The following MIPOL1 variants were observed in gnomAD, a reference collection of about 807,000 sequenced individuals.
MIPOL1 encodes mirror-image polydactyly gene 1 protein.
MIPOL1 carries 57 observed loss-of-function variants against 60.9 expected under a neutral mutation model. The observed-to-expected ratio is 0.94, with a 90% CI of 0.76 to 1.17. The LOEUF is 1.17. MIPOL1 is among the 50% of genes most tolerant of loss of function. MIPOL1 has a pLI of 0.00. For missense variants in MIPOL1, 551 were observed against 511.6 expected, an observed-to-expected ratio of 1.08 and a Z score of -0.74; for synonymous variants, 179 against 168.8, an observed-to-expected ratio of 1.06 and a Z score of -0.47.
At chr14:37,381,025 G>C (rs913749462) in intron 10 of MIPOL1, among the ~76,000 whole-genome samples, 2 of 152,048 alleles carry the variant, frequency 1.3e-5, no homozygotes, top group African/African-American at 2.4e-5. Context: ...ACTTTGTTCA[G>C]CTAATACCTA....
chr14:37,451,605 A>G (rs2094417451), intron 11 of MIPOL1, among the ~76,000 whole-genome samples: 1 of 151,114 alleles, frequency 6.6e-6, no homozygotes, highest in African/African-American at 2.5e-5. Flanking sequence ...TCTCATCATA[A>G]TCATAGGATT....
At chr14:37,399,269 T>C (rs1034047521) in intron 10 of MIPOL1, among the ~76,000 whole-genome samples, 1 of 152,176 alleles carries the variant, frequency 6.6e-6, no homozygotes, top group Non-Finnish European at 1.5e-5. Flanking sequence ...TTGGTGCCAT[T>C]TTGGGAGGAA....
intron 1 of MIPOL1, among the ~76,000 whole-genome samples, chr14:37,212,680 T>A (rs1166484165): frequency 6.6e-6 from 1 of 152,158 alleles, no homozygotes; most frequent in African/African-American, 2.4e-5. Flanking sequence ...CTGGCTTGCT[T>A]TGCCTCCTGC....
At chr14:37,421,897 G>A (rs938409156) in intron 10 of MIPOL1, among the ~76,000 whole-genome samples, 1 of 151,752 alleles carries the variant, frequency 6.6e-6, no homozygotes, top group African/African-American at 2.4e-5. Context: ...TGAACCTGTG[G>A]CTCCAAACTT....
chr14:37,231,799 G>A (rs79462146), intron 1 of MIPOL1, among the ~76,000 whole-genome samples: 2,451 of 152,220 alleles, frequency 0.016, 55 homozygotes, highest in African/African-American at 0.054. Flanking sequence ...AGCCCTACAG[G>A]CCGGGAGTAG....
intron 11 of MIPOL1, among the ~76,000 whole-genome samples, chr14:37,479,956 TA>T (rs1426775799): frequency 6.6e-6 from 1 of 152,132 alleles, no homozygotes; most frequent in Non-Finnish European, 1.5e-5. Context: ...GATGAATTCT[TA>T]GATAACAGAA....
intron 7 of MIPOL1, among the ~76,000 whole-genome samples, chr14:37,304,027 G>A (rs896436528): frequency 1.3e-5 from 2 of 151,720 alleles, no homozygotes; most frequent in South Asian, 2.1e-4. Flanking sequence ...GAATCTATAG[G>A]TTCTGAACTG....
chr14:37,389,229 G>GT (rs2093164999), intron 10 of MIPOL1, among the ~76,000 whole-genome samples: 1 of 148,304 alleles, frequency 6.7e-6, no homozygotes, highest in South Asian at 2.1e-4. Flanking sequence ...ATGAAGGGTG[G>GT]TAAAAAAAAA....
intron 12 of MIPOL1, among the ~76,000 whole-genome samples, chr14:37,518,232 A>G (rs2095385679): frequency 6.6e-6 from 1 of 152,242 alleles, no homozygotes; most frequent in South Asian, 2.1e-4. Context: ...TTGAGCAAAT[A>G]AAGAAATAAA....
At chr14:37,356,739 T>G (rs1274735009) in intron 9 of MIPOL1, among the ~76,000 whole-genome samples, 2 of 152,188 alleles carry the variant, frequency 1.3e-5, no homozygotes, top group Non-Finnish European at 2.9e-5. Flanking sequence ...GCTTCCCGAG[T>G]GAGGCAATGC....
At chr14:37,447,867 G>A (rs941538196) in intron 11 of MIPOL1, among the ~76,000 whole-genome samples, 5 of 152,060 alleles carry the variant, frequency 3.3e-5, no homozygotes, top group African/African-American at 1.2e-4. Flanking sequence ...AGAGAATATT[G>A]GTACCTATCT....
chr14:37,236,230 A>G (rs1229167108), intron 1 of MIPOL1, among the ~76,000 whole-genome samples: 1 of 151,886 alleles, frequency 6.6e-6, no homozygotes, highest in East Asian at 1.9e-4. Context: ...CCTGGCCTCA[A>G]TTTTTTGATA....
intron 11 of MIPOL1, among the ~76,000 whole-genome samples, chr14:37,435,656 A>G (rs1434078846): frequency 6.6e-6 from 1 of 152,182 alleles, no homozygotes; most frequent in Non-Finnish European, 1.5e-5. Context: ...ACTTAACAGC[A>G]GGTTGCCTGG....
intron 9 of MIPOL1, among the ~76,000 whole-genome samples, chr14:37,351,478 C>T (rs1178776697): frequency 6.6e-6 from 1 of 151,924 alleles, no homozygotes; most frequent in Admixed American, 6.6e-5. Context: ...CCTGAGGAAT[C>T]GCCACACTTA....
intron 9 of MIPOL1, among the ~76,000 whole-genome samples, chr14:37,319,888 A>C (rs1387018958): frequency 6.6e-6 from 1 of 152,096 alleles, no homozygotes; most frequent in East Asian, 1.9e-4. Flanking sequence ...CTTCATATAA[A>C]AGGAGTCATA....
At chr14:37,463,507 GA>G in intron 11 of MIPOL1, among the ~76,000 whole-genome samples, 1 of 152,114 alleles carries the variant, frequency 6.6e-6, no homozygotes, top group Non-Finnish European at 1.5e-5. Flanking sequence ...ATACAGTGGA[GA>G]AAGGACACAC....
At chr14:37,221,650 A>G (rs1567041543) in intron 1 of MIPOL1, among the ~76,000 whole-genome samples, 1 of 152,158 alleles carries the variant, frequency 6.6e-6, no homozygotes, top group Non-Finnish European at 1.5e-5. Flanking sequence ...GTGAAGTGCT[A>G]TACACTTTAA....
chr14:37,302,820 C>G (rs1253209196), intron 7 of MIPOL1, among the ~76,000 whole-genome samples: 1 of 151,738 alleles, frequency 6.6e-6, no homozygotes, highest in Admixed American at 6.6e-5. Context: ...GTCAATATCA[C>G]ATAATCTTGA....
chr14:37,518,573 G>A (rs2095388570), intron 12 of MIPOL1, among the ~76,000 whole-genome samples: 1 of 152,114 alleles, frequency 6.6e-6, no homozygotes, highest in African/African-American at 2.4e-5. Flanking sequence ...GGCTTCAAGT[G>A]TTCCGTTTAC....
Sources: allele counts gnomAD v4.1 joint callset (sites outside exome capture counted in the v4.1 genomes callset), GRCh38; gene constraint gnomAD v4.1.1; transcripts MANE v1.5; gene names NCBI Gene and HGNC (gene_info 2026-07-23, HGNC 2026-07-21).